Variants in PGM3 observed in about 807,000 individuals in gnomAD.
PGM3 encodes the protein phosphoacetylglucosamine mutase.
In PGM3, 40 loss-of-function variants were observed where a neutral mutation model predicts 66.2. The observed-to-expected ratio is 0.60, with a 90% CI of 0.47 to 0.79. PGM3 has a LOEUF of 0.79. PGM3 is among the 30% of genes least tolerant of loss of function. The probability of loss-of-function intolerance (pLI) is 0.00; values close to 1 mark genes in which losing one functional copy is unlikely to be tolerated. For synonymous variants in PGM3, 191 were observed against 224.2 expected (o/e 0.85, Z 1.32); for missense variants, 537 against 643.4 (o/e 0.83, Z 1.79).
chr6:83,191,896 T>C (rs1170679211), intron 1 of PGM3, among the ~76,000 whole-genome samples: 2 of 140,464 alleles, frequency 1.4e-5, no homozygotes, highest in Admixed American at 1.5e-4. Context: ...GAGGCAGAGG[T>C]TGCAGTGAGC....
chr6:83,193,408 G>C (rs1382826524), upstream of PGM3: 2 of 152,332 alleles, frequency 1.3e-5, no homozygotes, highest in Non-Finnish European at 2.9e-5. Context: ...GTTCCGAGCG[G>C]GGTCTGGGGC....
rs759441649 is a variant in PGM3 at position 83,170,464 on chromosome 6, T to C, written c.1380A>G (p.Arg460=). Residue 460 remains arginine, a synonymous_variant, in exon 12 of 13, where the codon AGA becomes AGG. Coordinates refer to ENST00000513973, the MANE Select transcript of PGM3 (RefSeq NM_015599.3). ...RQLKVQVADR[R]VISTTDAERQ... The stretch of plus-strand genomic sequence containing the variant: ...TTTCAGCATCGGTAGTGCTAATAAC[T>C]CTCCTGTCTGCAACCTAAGTGCAAG... The C allele has an allele frequency of 1.9e-6, 3 of 1,613,728 alleles. No individual in the cohort carries two copies.
At chr6:83,163,155 A>C (rs142534054), downstream of PGM3, among the ~76,000 whole-genome samples, 189 of 151,162 alleles carry the variant, frequency 1.3e-3, no homozygotes, top group African/African-American at 3.6e-3. Context: ...AAGAAAAAGG[A>C]AGGCTTTTGT....
chr6:83,165,923 T>C lies in PGM3; in HGVS notation c.*3311A>G. On this transcript the variant is annotated 3_prime_UTR_variant, in exon 13 of 13. Coordinates refer to ENST00000513973, the MANE Select transcript of PGM3 (RefSeq NM_015599.3). ...TTCACCTGGATTCAGAAAGCTGTAGTGGATCAGACTGGCAGCAAACCACCA... is the reference window on the plus strand; with the variant it reads ...TTCACCTGGATTCAGAAAGCTGTAGCGGATCAGACTGGCAGCAAACCACCA... 1 of 395,190 alleles carries C rather than the reference T, an allele frequency of 2.5e-6. No individual in the cohort carries two copies. The highest frequency in any genetic ancestry group is 5.1e-6 in the Non-Finnish European group (1 of 197,828). 24.5% of individuals were successfully genotyped at this position (395,190 alleles called of 1,614,324 possible). A position where few individuals can be genotyped will look rare whatever the true frequency, so the allele number is the denominator to read the frequency against.
intron 10 of PGM3, 117 bp from the exon 11 acceptor site, chr6:83,172,176 G>T: frequency 2.1e-6 from 2 of 969,530 alleles, no homozygotes; most frequent in Non-Finnish European, 3.1e-6. Context: ...TCTGAAACAT[G>T]CTGAGTGCCA....
intron 7 of PGM3, 134 bp from the exon 8 acceptor site, chr6:83,178,890 C>A: frequency 1.6e-6 from 1 of 640,330 alleles, no homozygotes; most frequent in Non-Finnish European, 2.8e-6. Flanking sequence ...AAATGTCTGA[C>A]TGAAAATTTA....
At chr6:83,189,020 T>A (rs1788832420) in intron 2 of PGM3, among the ~76,000 whole-genome samples, 1 of 152,214 alleles carries the variant, frequency 6.6e-6, no homozygotes, top group African/African-American at 2.4e-5. Flanking sequence ...CTAATAATCC[T>A]ATTTTAATTT....
At position 83,170,331 on chromosome 6, in the gene PGM3, G is replaced by A. The variant is rs1786845541; in HGVS notation, c.1513C>T (p.Arg505Ter). ...VRPSGTEDVV[R>*]VYAEADSQES... ...TGTGAGTCTGCTTCTGCATATACTC[G>A]GACGACATCTTCTGTACCAGAGGGC... The change falls in exon 12 of 13, where the codon CGA (arginine) becomes TGA (stop). Residue 505 changes from arginine to a stop codon, truncating the protein, a stop_gained. Transcript: ENST00000513973. LOFTEE classifies it high-confidence loss of function. 5.0e-6 allele frequency: 8 copies of A among 1,613,994 alleles called. No individual in the cohort carries two copies. Among genetic ancestry groups the A allele is most frequent in the Non-Finnish European group, 6.8e-6 (8 of 1,179,988 alleles).
At chr6:83,190,163 T>C (rs1034066285) in intron 2 of PGM3, among the ~76,000 whole-genome samples, 7 of 152,236 alleles carry the variant, frequency 4.6e-5, no homozygotes, top group African/African-American at 1.7e-4. Flanking sequence ...CTAATGGATA[T>C]GTTAATTAGC....
chr6:83,188,469 C>T (rs1788767920), intron 3 of PGM3, 145 bp downstream of exon 3: 7 of 628,570 alleles, frequency 1.1e-5, no homozygotes, highest in South Asian at 4.2e-5. Context: ...GCTACTACAT[C>T]CTACTAGAAA....
chr6:83,152,326 C>A, the PGM3 span: 8 of 1,571,896 alleles, frequency 5.1e-6, no homozygotes, highest in East Asian at 1.7e-4. Flanking sequence ...AAACATAACT[C>A]CTTCTGTATA....
downstream of PGM3, among the ~76,000 whole-genome samples, chr6:83,156,742 C>T (rs562030020): frequency 5.9e-5 from 9 of 152,286 alleles, no homozygotes; most frequent in African/African-American, 2.2e-4. Context: ...GGAGAATTTT[C>T]TTTTCTCCCA....
At chr6:83,158,534 TTAAA>T (rs755868681), downstream of PGM3, 35 of 1,519,580 alleles carry the variant, frequency 2.3e-5, no homozygotes, top group African/African-American at 4.0e-4. Flanking sequence ...AATATCCAGT[TTAAA>T]TAAACATTTA....
rs1403419022 is a variant in PGM3 at position 83,169,027 on chromosome 6, T to G, written c.*207A>C. 3.7e-6 allele frequency: 5 copies of G among 1,360,622 alleles called. 1 individual carries two copies. Among genetic ancestry groups the G allele is most frequent in the South Asian group, 1.8e-5 (1 of 55,074 alleles). The allele number at this position is 1,360,622 out of a possible 1,614,324, so 84.3% of individuals were successfully genotyped here. A position where few individuals can be genotyped will look rare whatever the true frequency, so the allele number is the denominator to read the frequency against. On this transcript the variant is annotated 3_prime_UTR_variant, in exon 13 of 13. Coordinates refer to ENST00000513973, the MANE Select transcript of PGM3 (RefSeq NM_015599.3). ...GTATTTTACATTAGTGAGACTGAAA[T>G]TAGAGGTAAATTTCTTTAACAAGTG...
intron 10 of PGM3, among the ~76,000 whole-genome samples, chr6:83,174,085 AATT>A (rs765514780): frequency 7.9e-5 from 12 of 152,104 alleles, no homozygotes; most frequent in Middle Eastern, 6.3e-3. Flanking sequence ...GTTAAAAAAA[AATT>A]AATAATATAT....
rs1161011960 is a variant in PGM3, at chr6:83,168,399, T to C, written c.*835A>G. On this transcript the variant is annotated 3_prime_UTR_variant, in exon 13 of 13. Transcript: ENST00000513973. ...CCTAAGAGAGCTATATATATACACA[T>C]GTAAAGTCCATTGTTTTTATTGTCC... 4.0e-6 allele frequency: 5 copies of C among 1,252,156 alleles called. No individual in the cohort carries two copies. The highest frequency in any genetic ancestry group is 2.0e-6 in the Non-Finnish European group (2 of 997,934). 77.6% of individuals were successfully genotyped at this position (1,252,156 alleles called of 1,614,324 possible).
At chr6:83,162,760 C>T, downstream of PGM3, 1 of 1,584,816 alleles carries the variant, frequency 6.3e-7, no homozygotes, top group Non-Finnish European at 8.6e-7. Flanking sequence ...GTCTGTCTTA[C>T]TGATGCTGAT....
chr6:83,165,959 A>G lies in PGM3; in HGVS notation c.*3275T>C. On this transcript the variant is annotated 3_prime_UTR_variant, in exon 13 of 13. Coordinates refer to ENST00000513973, the MANE Select transcript of PGM3 (RefSeq NM_015599.3). ...GGCAGCAAACCACCAAACAATGACC[A>G]TGACCATTTTTTGGAGCAAGTTTGG... 2.9e-6 allele frequency: 1 copy of G among 342,048 alleles called. No homozygotes were observed. Among genetic ancestry groups the G allele is most frequent in the Admixed American group, 3.2e-5 (1 of 31,204 alleles). The allele number at this position is 342,048 out of a possible 1,614,324, so 21.2% of individuals were successfully genotyped here. A position where few individuals can be genotyped will look rare whatever the true frequency, so the allele number is the denominator to read the frequency against.
In PGM3 at chr6:83,165,768, T is replaced by C. The variant is rs1240538494; in HGVS notation, c.*3466A>G. On this transcript the variant is annotated 3_prime_UTR_variant, in exon 13 of 13. Coordinates refer to ENST00000513973, the MANE Select transcript of PGM3 (RefSeq NM_015599.3). ...TTAGTTCAATTTTCGAAGCGTTGGT[T>C]GTGCAACGTGCGGCCCAGTGTTGTC... 8.1e-6 allele frequency: 2 copies of C among 246,714 alleles called. No homozygotes were observed. The highest frequency in any genetic ancestry group is 8.0e-5 in the Admixed American group (2 of 25,156). The allele number at this position is 246,714 out of a possible 1,614,324, so 15.3% of individuals were successfully genotyped here.
Sources: gnomAD v4.1 joint callset for allele counts (sites outside exome capture counted in the v4.1 genomes callset) on GRCh38, gnomAD v4.1.1 for gene constraint, MANE v1.5 for transcripts, NCBI Gene and HGNC (gene_info 2026-07-23, HGNC 2026-07-21) for gene names.